Variants in MKLN1 observed in about 807,000 individuals in gnomAD.
MKLN1 encodes the protein muskelin 1.
Under a neutral mutation model 99.0 loss-of-function variants are expected in MKLN1, and 18 were observed. The observed-to-expected ratio is 0.18, with a 90% confidence interval of 0.13 to 0.27. The LOEUF is 0.27. MKLN1 is among the 10% of genes least tolerant of loss of function. MKLN1 has a pLI of 1.00. For missense variants in MKLN1, 621 were observed against 875.9 expected (o/e 0.71, Z 3.67); for synonymous variants, 288 against 293.2 (o/e 0.98, Z 0.18).
At chr7:131,285,089 C>T (rs937702855) in intron 3 of MKLN1, 2 of 152,296 alleles carry the variant, frequency 1.3e-5, no homozygotes, top group African/African-American at 2.4e-5. Context: ...GATGGGGAAC[C>T]GTTTGCTCCT....
rs1273168294 is a variant in MKLN1 at position 131,135,092 on chromosome 7, G to A, written c.-418-7728G>A. Among the ~76,000 whole-genome samples, 27 of 152,114 alleles carry A rather than the reference G, an allele frequency of 1.8e-4. 1 individual carries two copies. The highest frequency in any genetic ancestry group is 1.8e-3 in the Admixed American group (27 of 15,264). ...TTGCCAACTCATCTCCTCCTTCAGT[G>A]GTTCTAGGAAAAGAATCCACTTCCT... On this transcript the variant is annotated intron_variant, in intron 1 of 7. Transcript: ENST00000416992.
intron 1 of MKLN1, among the ~76,000 whole-genome samples, chr7:131,363,820 A>G (rs985543993): frequency 1.3e-5 from 2 of 149,932 alleles, no homozygotes; most frequent in African/African-American, 2.4e-5. Context: ...AGCACTTATC[A>G]CAGTCTGTAA....
intron 10 of MKLN1, 86 bp downstream of exon 10, chr7:131,438,083 G>A (rs1341386901): frequency 1.9e-6 from 2 of 1,026,534 alleles, no homozygotes; most frequent in Non-Finnish European, 3.0e-6. Context: ...GTTATGCTGA[G>A]TTGTCCAGTA....
intron 3 of MKLN1, among the ~76,000 whole-genome samples, chr7:131,234,080 A>G (rs1281007993): frequency 1.3e-5 from 2 of 152,112 alleles, no homozygotes; most frequent in Admixed American, 6.6e-5. Flanking sequence ...CCCGGGTTCA[A>G]GCGATTCTCC....
chr7:131,215,769 T>C (rs1217379588), intron 3 of MKLN1, among the ~76,000 whole-genome samples: 4 of 152,234 alleles, frequency 2.6e-5, no homozygotes, highest in Non-Finnish European at 5.9e-5. Flanking sequence ...GATTCAGTCA[T>C]GGAGGCCTGT....
chr7:131,154,580 A>T (rs1795937318), intron 2 of MKLN1, among the ~76,000 whole-genome samples: 1 of 152,188 alleles, frequency 6.6e-6, no homozygotes, highest in Non-Finnish European at 1.5e-5. Flanking sequence ...CTGTTCACTG[A>T]AAAACCTAGA....
At chr7:131,319,472 C>A (rs972133062) in intron 3 of MKLN1, among the ~76,000 whole-genome samples, 37 of 152,136 alleles carry the variant, frequency 2.4e-4, no homozygotes, top group African/African-American at 8.9e-4. Context: ...TTATGACAAA[C>A]CCATAGCCAA....
chr7:131,392,904 CTAATTTTT>C, intron 4 of MKLN1, among the ~76,000 whole-genome samples: 1 of 151,678 alleles, frequency 6.6e-6, no homozygotes, highest in East Asian at 1.9e-4. Context: ...TGCGCCTGGC[CTAATTTTT>C]TTTTTTTTTT....
chr7:131,281,735 G>A (rs953576292), intron 3 of MKLN1, among the ~76,000 whole-genome samples: 4 of 151,328 alleles, frequency 2.6e-5, no homozygotes, highest in Admixed American at 6.6e-5. Flanking sequence ...AGGGTGGAGC[G>A]CAGTGGCATG....
intron 3 of MKLN1, among the ~76,000 whole-genome samples, chr7:131,240,016 A>C (rs1034242402): frequency 1.1e-4 from 16 of 152,210 alleles, no homozygotes; most frequent in African/African-American, 3.9e-4. Flanking sequence ...ACCCATCTCT[A>C]TAAAAAATTT....
chr7:131,344,775 C>G (rs1052486475), intron 1 of MKLN1, among the ~76,000 whole-genome samples: 6 of 152,058 alleles, frequency 3.9e-5, no homozygotes, highest in Admixed American at 3.3e-4. Context: ...AAAGGAGGAC[C>G]TAATCAATTT....
chr7:131,441,772 G>A (rs10259329), intron 10 of MKLN1, among the ~76,000 whole-genome samples: 21,527 of 152,164 alleles, frequency 0.14, 1,827 homozygotes, highest in African/African-American at 0.22. Flanking sequence ...GAAACTCTTT[G>A]TAGCCATACG....
Position 131,333,516 on chromosome 7 carries a change from A to G in MKLN1, c.98+5519A>G, listed in dbSNP as rs183932607. Reference sequence around the variant, plus strand: ...TCTTGTTATTTGACTATTATGAGTCATGAGGTAGTTTTGCTTTACAGAAAT... The same window carrying G: ...TCTTGTTATTTGACTATTATGAGTCGTGAGGTAGTTTTGCTTTACAGAAAT... On this transcript the variant is annotated intron_variant, in intron 1 of 17. Coordinates refer to ENST00000352689, the MANE Select transcript of MKLN1 (RefSeq NM_013255.5). Among the ~76,000 whole-genome samples, 22 of 152,102 alleles carry G rather than the reference A, an allele frequency of 1.4e-4. No homozygotes were observed. In the East Asian group the frequency reaches 4.3e-3, roughly 29 times the overall value.
intron 3 of MKLN1, among the ~76,000 whole-genome samples, chr7:131,317,937 C>T (rs778023899): frequency 6.6e-6 from 1 of 152,122 alleles, no homozygotes; most frequent in Non-Finnish European, 1.5e-5. Context: ...GCACCCAATA[C>T]AGGAGCACCC....
At chr7:131,243,139 G>A (rs1584862366) in intron 3 of MKLN1, 1 of 321,360 alleles carries the variant, frequency 3.1e-6, no homozygotes, top group Non-Finnish European at 6.1e-6. Context: ...ATATAAATAC[G>A]TAATCAACCA....
intron 3 of MKLN1, among the ~76,000 whole-genome samples, chr7:131,259,313 C>A (rs1378803428): frequency 6.6e-6 from 1 of 152,102 alleles, no homozygotes; most frequent in Non-Finnish European, 1.5e-5. Flanking sequence ...CTCTTTCTTG[C>A]ATAAGCCCAG....
intron 1 of MKLN1, among the ~76,000 whole-genome samples, chr7:131,364,468 G>T (rs936393072): frequency 2.8e-5 from 4 of 143,594 alleles, no homozygotes; most frequent in Non-Finnish European, 4.6e-5. Context: ...AAGGACTTTG[G>T]TTTTTTTTTT....
intron 3 of MKLN1, among the ~76,000 whole-genome samples, chr7:131,315,893 C>G (rs987112624): frequency 2.0e-5 from 3 of 152,184 alleles, no homozygotes; most frequent in Admixed American, 6.5e-5. Context: ...GTAACAGCCC[C>G]AGTCAGGGGC....
chr7:131,429,429 G>A (rs76392736), intron 9 of MKLN1, among the ~76,000 whole-genome samples: 4,589 of 152,080 alleles, frequency 0.03, 219 homozygotes, highest in African/African-American at 0.1. Context: ...ATGTAACTGT[G>A]TAACTGTCTT....
Sources: allele counts gnomAD v4.1 joint callset (sites outside exome capture counted in the v4.1 genomes callset), GRCh38; gene constraint gnomAD v4.1.1; transcripts MANE v1.5; gene names NCBI Gene and HGNC (gene_info 2026-07-23, HGNC 2026-07-21).